TRMT9B: variants seen among roughly 807,000 people sequenced by gnomAD.
TRMT9B encodes the protein tRNA methyltransferase 9B (putative).
A neutral mutation model predicts 11.5 loss-of-function variants in TRMT9B; 16 were observed. The ratio of observed to expected loss-of-function variants is 1.39; its 90% CI spans 0.94 to 2.11. The LOEUF (loss-of-function observed/expected upper bound fraction) is 2.11, where lower values mean the gene tolerates loss of function less well. Ranked by LOEUF, TRMT9B falls within the 30% of genes most tolerant of loss-of-function variation. TRMT9B has a pLI of 0.00. For synonymous variants in TRMT9B, 274 were observed against 192.4 expected (o/e 1.42, Z -3.51); for missense variants, 941 against 553.8 (o/e 1.70, Z -7.02).
At chr8:12,980,530 G>T (rs1032880546) in intron 1 of TRMT9B, among the ~76,000 whole-genome samples, 2 of 152,128 alleles carry the variant, frequency 1.3e-5, no homozygotes, top group African/African-American at 4.8e-5. Flanking sequence ...ATGGTGAGAG[G>T]CAAGGTTCTG....
rs1810104716 is a variant in TRMT9B at position 13,004,730 on chromosome 8, A to G, written c.-1-1472A>G. On this transcript the variant is annotated intron_variant, in intron 2 of 4. Coordinates refer to ENST00000524591, the MANE Select transcript of TRMT9B (RefSeq NM_020844.3). ...GTCTTGCTGGCTCCAGATGCGACTT[A>G]GCACATTCCCATCTGTGGTGGCTAT... is the stretch of plus-strand genomic sequence containing the variant. Among the ~76,000 whole-genome samples, 2 of 152,062 alleles carry G rather than the reference A, an allele frequency of 1.3e-5. 1 individual carries two copies. Among genetic ancestry groups the G allele is most frequent in the South Asian group, 4.1e-4 (2 of 4,828 alleles).
chr8:12,965,010 C>G (rs1458970258), intron 1 of TRMT9B, among the ~76,000 whole-genome samples: 1 of 152,200 alleles, frequency 6.6e-6, no homozygotes, highest in Non-Finnish European at 1.5e-5. Flanking sequence ...TTATTCTGGT[C>G]ACAGACTTAA....
intron 1 of TRMT9B, among the ~76,000 whole-genome samples, chr8:12,962,427 G>A (rs1257091871): frequency 6.6e-6 from 1 of 152,120 alleles, no homozygotes; most frequent in Non-Finnish European, 1.5e-5. Context: ...GGCAGTATGT[G>A]CATACAGAAG....
chr8:12,949,332 A>T (rs1800425404), intron 1 of TRMT9B, among the ~76,000 whole-genome samples: 1 of 152,198 alleles, frequency 6.6e-6, no homozygotes, highest in Admixed American at 6.5e-5. Context: ...GTGTACACCC[A>T]GCATCAGCAA....
Position 13,028,547 on chromosome 8 carries a change from G to T in TRMT9B, c.*6503G>T. On this transcript the variant is annotated 3_prime_UTR_variant, in exon 5 of 5. Coordinates refer to ENST00000524591, the MANE Select transcript of TRMT9B (RefSeq NM_020844.3). ...ATTCCCTTAGCAAGAATTTGGCTAA[G>T]TGATAAGCACTTTTCTCTTTTCTTT... 1 of 129,346 alleles carries T rather than the reference G, an allele frequency of 7.7e-6. No homozygotes were observed. The allele number at this position is 129,346 out of a possible 1,614,324, so 8.0% of individuals were successfully genotyped here.
At chr8:12,999,958 G>T (rs1221871548) in intron 2 of TRMT9B, among the ~76,000 whole-genome samples, 1 of 152,142 alleles carries the variant, frequency 6.6e-6, no homozygotes, top group Admixed American at 6.5e-5. Flanking sequence ...AACTTATATG[G>T]TAACAAGTTG....
chr8:12,978,888 T>C (rs1225101766), intron 1 of TRMT9B, among the ~76,000 whole-genome samples: 12 of 152,222 alleles, frequency 7.9e-5, no homozygotes, highest in Non-Finnish European at 1.6e-4. Flanking sequence ...CATTTCTCTC[T>C]CTTTGGCAGT....
rs1807237725 is a variant in TRMT9B, at chr8:12,991,021, G to C, written c.-12G>C. 7.9e-7 allele frequency: 1 copy of C among 1,262,370 alleles called. No homozygotes were observed. 78.2% of individuals were successfully genotyped at this position (1,262,370 alleles called of 1,614,324 possible). On this transcript the variant is annotated 5_prime_UTR_variant, in exon 2 of 5. Coordinates refer to ENST00000524591, the MANE Select transcript of TRMT9B (RefSeq NM_020844.3). ...AAGAGGTAATTTTCCTGTAATCACA[G>C]GATGACTCAGGTTAGTAGCTTTCAG...
At chr8:12,976,414 G>A (rs926348468) in intron 1 of TRMT9B, among the ~76,000 whole-genome samples, 1 of 150,530 alleles carries the variant, frequency 6.6e-6, no homozygotes. Flanking sequence ...CAGCAGCAAC[G>A]TTGTGTGAGA....
rs560397176 is a variant in TRMT9B, at chr8:12,999,230, C to T, written c.-1-6972C>T. Reference sequence around the variant, plus strand: ...AGGAGAATCGCTTGAACCTGGGAGGCGGAGGTTGCAGTGAGCCAAGATCAT... The same window carrying T: ...AGGAGAATCGCTTGAACCTGGGAGGTGGAGGTTGCAGTGAGCCAAGATCAT... On this transcript the variant is annotated intron_variant, in intron 2 of 4. Transcript: ENST00000524591. Among the ~76,000 whole-genome samples the T allele has an allele frequency of 3.6e-4, 51 of 140,496 alleles. 1 individual carries two copies. The highest frequency in any genetic ancestry group is 2.5e-3 in the Admixed American group (32 of 12,988). 92.2% of individuals were successfully genotyped at this position (140,496 alleles called of 152,430 possible). A position where few individuals can be genotyped will look rare whatever the true frequency, so the allele number is the denominator to read the frequency against.
chr8:12,965,365 G>T (rs992169361), intron 1 of TRMT9B, among the ~76,000 whole-genome samples: 17 of 152,178 alleles, frequency 1.1e-4, no homozygotes, highest in Non-Finnish European at 1.9e-4. Context: ...GCATAGAGAT[G>T]GTGGCAGGGA....
At chr8:13,008,109 A>G (rs189610261) in intron 3 of TRMT9B, among the ~76,000 whole-genome samples, 13 of 152,326 alleles carry the variant, frequency 8.5e-5, no homozygotes, top group Middle Eastern at 3.4e-3. Flanking sequence ...CAATTTACCA[A>G]TGTATAAGCT....
intron 1 of TRMT9B, among the ~76,000 whole-genome samples, chr8:12,970,723 G>A (rs1404156100): frequency 6.6e-6 from 1 of 152,174 alleles, no homozygotes; most frequent in Non-Finnish European, 1.5e-5. Flanking sequence ...ATTTTATTTG[G>A]AAGTGGAATT....
intron 2 of TRMT9B, among the ~76,000 whole-genome samples, chr8:12,995,167 C>T (rs147126247): frequency 6.6e-6 from 1 of 152,216 alleles, no homozygotes; most frequent in Admixed American, 6.5e-5. Context: ...CACAATACAA[C>T]TCTAGACTTT....
At position 13,000,234 on chromosome 8, in the gene TRMT9B, C is replaced by T. The variant is rs144954805; in HGVS notation, c.-1-5968C>T. Reference sequence around the variant, plus strand: ...AGATGACGTTTATGCCATAGCAAGTCACTTAGGGTTTATCTGAATTCAAGT... The same window carrying T: ...AGATGACGTTTATGCCATAGCAAGTTACTTAGGGTTTATCTGAATTCAAGT... On this transcript the variant is annotated intron_variant, in intron 2 of 4. Coordinates refer to ENST00000524591, the MANE Select transcript of TRMT9B (RefSeq NM_020844.3). Among the ~76,000 whole-genome samples the T allele has an allele frequency of 1.1e-3, 161 of 152,252 alleles. 2 individuals are homozygous for T. Among genetic ancestry groups the T allele is most frequent in the Non-Finnish European group, 1.7e-3 (117 of 68,022 alleles).
chr8:12,971,736 AT>A (rs1301479945), intron 1 of TRMT9B, among the ~76,000 whole-genome samples: 1 of 152,168 alleles, frequency 6.6e-6, no homozygotes, highest in Non-Finnish European at 1.5e-5. Context: ...TCAGCTACTT[AT>A]TTTCCTCCGA....
rs536993780 is a variant in TRMT9B at position 13,005,111 on chromosome 8, A to G, written c.-1-1091A>G. 1.1e-4 allele frequency among the ~76,000 whole-genome samples: 16 copies of G among 152,196 alleles called. No individual in the cohort carries two copies. The South Asian group carries it at 2.5e-3, about 24-fold the overall frequency. On this transcript the variant is annotated intron_variant, in intron 2 of 4. Coordinates refer to ENST00000524591, the MANE Select transcript of TRMT9B (RefSeq NM_020844.3). ...AAAAAAAAAAAAAAAGAAAAAGAAA[A>G]GAAAAGAAATCCTGTCATTCGCAAT...
At chr8:12,968,233 C>T (rs997562909) in intron 1 of TRMT9B, among the ~76,000 whole-genome samples, 16 of 152,172 alleles carry the variant, frequency 1.1e-4, no homozygotes, top group Admixed American at 7.9e-4. Flanking sequence ...AGACATACAT[C>T]CCAAGGGACT....
intron 1 of TRMT9B, among the ~76,000 whole-genome samples, chr8:12,966,362 C>T (rs17122536): frequency 0.059 from 8,988 of 152,074 alleles, 310 homozygotes; most frequent in African/African-American, 0.099. Flanking sequence ...TTGTTAACCC[C>T]GGAAAGCATT....
Sources: allele counts gnomAD v4.1 joint callset (sites outside exome capture counted in the v4.1 genomes callset), GRCh38; gene constraint gnomAD v4.1.1; transcripts MANE v1.5; gene names NCBI Gene and HGNC (gene_info 2026-07-23, HGNC 2026-07-21).